The following CAMKMT variants were observed in gnomAD, a reference collection of about 807,000 sequenced individuals.
CAMKMT encodes CaM KMT.
CAMKMT carries 53 observed loss-of-function variants against 48.0 expected under a neutral mutation model. The observed-to-expected ratio is 1.10, with a 90% CI of 0.89 to 1.39. The LOEUF is 1.39. Among genes scored for constraint, CAMKMT ranks in the 40% most tolerant of loss-of-function variants. The probability of loss-of-function intolerance (pLI) is 0.00; values close to 1 mark genes in which losing one functional copy is unlikely to be tolerated. For synonymous variants in CAMKMT, 165 were observed against 152.3 expected, an observed-to-expected ratio of 1.08 and a Z score of -0.61; for missense variants, 428 against 402.7, an observed-to-expected ratio of 1.06 and a Z score of -0.54.
intron 3 of CAMKMT, among the ~76,000 whole-genome samples, chr2:44,562,710 G>A (rs1030705636): frequency 2.0e-5 from 3 of 152,138 alleles, no homozygotes; most frequent in Non-Finnish European, 4.4e-5. Flanking sequence ...ACAGATGCCT[G>A]CCACCACACC....
At chr2:44,399,577 A>G (rs1218636037) in intron 3 of CAMKMT, among the ~76,000 whole-genome samples, 4 of 151,498 alleles carry the variant, frequency 2.6e-5, no homozygotes, top group East Asian at 1.9e-4. Context: ...ATCTCCTGCC[A>G]TCTCACATTG....
At chr2:44,524,300 C>A in intron 3 of CAMKMT, among the ~76,000 whole-genome samples, 1 of 152,218 alleles carries the variant, frequency 6.6e-6, no homozygotes, top group Non-Finnish European at 1.5e-5. Context: ...AGTCCATCTT[C>A]GTAGCCAGTA....
At chr2:44,592,346 A>G (rs549430786) in intron 3 of CAMKMT, among the ~76,000 whole-genome samples, 1 of 152,090 alleles carries the variant, frequency 6.6e-6, no homozygotes, top group Admixed American at 6.5e-5. Context: ...ATTTCATCTA[A>G]GTTGTCAAAC....
At chr2:44,448,896 A>G (rs1667144882) in intron 3 of CAMKMT, among the ~76,000 whole-genome samples, 1 of 152,190 alleles carries the variant, frequency 6.6e-6, no homozygotes, top group Non-Finnish European at 1.5e-5. Flanking sequence ...GTCACAAAAG[A>G]CTATTTTAAG....
intron 3 of CAMKMT, among the ~76,000 whole-genome samples, chr2:44,515,420 A>G (rs1333627533): frequency 6.6e-6 from 1 of 152,216 alleles, no homozygotes; most frequent in Non-Finnish European, 1.5e-5. Context: ...AGGGATATCT[A>G]TAATCTCTGT....
intron 3 of CAMKMT, among the ~76,000 whole-genome samples, chr2:44,416,622 G>A (rs974119936): frequency 5.8e-5 from 8 of 137,396 alleles, no homozygotes; most frequent in Middle Eastern, 4.2e-3. Context: ...CGCCTAGGCT[G>A]GAGTGCAATG....
Position 44,645,794 on chromosome 2 carries a change from C to T in CAMKMT, c.377-58489C>T, listed in dbSNP as rs187670786. Among the ~76,000 whole-genome samples the T allele has an allele frequency of 3.0e-3, 462 of 152,276 alleles. 1 individual carries two copies. The highest frequency in any genetic ancestry group is 0.01 in the African/African-American group (434 of 41,558). On this transcript the variant is annotated intron_variant, in intron 3 of 10. Transcript: ENST00000378494. Reference sequence around the variant, plus strand: ...TGAGATTATGCCACTGCGCTCCAGCCTGGGCAACAGAGCAAGACTCCATCT... The same window carrying T: ...TGAGATTATGCCACTGCGCTCCAGCTTGGGCAACAGAGCAAGACTCCATCT...
intron 2 of CAMKMT, among the ~76,000 whole-genome samples, chr2:44,375,023 C>T (rs1356942297): frequency 6.6e-6 from 1 of 152,020 alleles, no homozygotes; most frequent in Non-Finnish European, 1.5e-5. Flanking sequence ...CCCAGGCACT[C>T]AGGAGGCTGA....
intron 3 of CAMKMT, chr2:44,549,616 C>G: frequency 1.5e-6 from 1 of 681,406 alleles, no homozygotes; most frequent in African/African-American, 1.8e-5. Context: ...TCAGTGCAGC[C>G]TCAAACTCCT....
rs535468761 is a variant in CAMKMT, at chr2:44,367,095, C to T, written c.138+4950C>T. Among the ~76,000 whole-genome samples the T allele has an allele frequency of 2.6e-5, 4 of 152,294 alleles. No homozygotes were observed. The South Asian group carries it at 8.3e-4, about 32-fold the overall frequency. ...AAAGGATAAGGTTTTCTGGTTTTTA[C>T]TTGCATCCCTGAGCATAGATTCATA... On this transcript the variant is annotated intron_variant, in intron 1 of 10. Coordinates refer to ENST00000378494, the MANE Select transcript of CAMKMT (RefSeq NM_024766.5).
rs975749765 is a variant in CAMKMT, at chr2:44,490,010, TCA to T, written c.376+99718_376+99719del. ...TAGATTAATACACACACACGCACAC[TCA>T]CACACACACACAAATATATGGGCAA... On this transcript the variant is annotated intron_variant, in intron 3 of 10. Transcript: ENST00000378494. 2.6e-5 allele frequency among the ~76,000 whole-genome samples: 4 copies of T among 151,030 alleles called. No homozygotes were observed. The South Asian group carries it at 6.3e-4, about 24-fold the overall frequency.
At chr2:44,675,261 C>T (rs528367410) in intron 3 of CAMKMT, among the ~76,000 whole-genome samples, 3 of 152,164 alleles carry the variant, frequency 2.0e-5, no homozygotes, top group Admixed American at 6.5e-5. Context: ...AAACACTTCT[C>T]CTGGTTTCAG....
chr2:44,472,012 G>A (rs982529016), intron 3 of CAMKMT, among the ~76,000 whole-genome samples: 6 of 152,064 alleles, frequency 3.9e-5, no homozygotes, highest in Admixed American at 1.3e-4. Flanking sequence ...TACTTTAAGG[G>A]GTTGGTATGA....
intron 3 of CAMKMT, among the ~76,000 whole-genome samples, chr2:44,520,197 C>T (rs937686760): frequency 4.0e-5 from 6 of 151,814 alleles, no homozygotes; most frequent in Non-Finnish European, 8.8e-5. Context: ...CCAGCCTGGG[C>T]GACAGAGCGA....
chr2:44,611,826 T>A (rs1346471813), intron 3 of CAMKMT, among the ~76,000 whole-genome samples: 3 of 151,896 alleles, frequency 2.0e-5, no homozygotes, highest in Admixed American at 2.0e-4. Context: ...GCACATCACA[T>A]GGCAAAAGCA....
At chr2:44,566,386 G>A (rs1033386057) in intron 3 of CAMKMT, among the ~76,000 whole-genome samples, 1 of 152,126 alleles carries the variant, frequency 6.6e-6, no homozygotes, top group Admixed American at 6.5e-5. Flanking sequence ...GCTTATTGTT[G>A]TATTACAAAA....
At chr2:44,580,695 A>G (rs1669507054) in intron 3 of CAMKMT, among the ~76,000 whole-genome samples, 1 of 152,222 alleles carries the variant, frequency 6.6e-6, no homozygotes, top group African/African-American at 2.4e-5. Context: ...ATTGCCTAAC[A>G]TTAAACCTAT....
intron 3 of CAMKMT, among the ~76,000 whole-genome samples, chr2:44,668,986 T>C (rs949048585): frequency 2.6e-5 from 4 of 152,142 alleles, no homozygotes; most frequent in African/African-American, 9.7e-5. Context: ...TTTCACCATG[T>C]TGGCCAGGCT....
intron 3 of CAMKMT, among the ~76,000 whole-genome samples, chr2:44,434,176 A>G (rs1684812567): frequency 6.6e-6 from 1 of 152,062 alleles, no homozygotes; most frequent in Non-Finnish European, 1.5e-5. Flanking sequence ...TGTATGCTGA[A>G]TGAAAAGAAA....
Sources: allele counts gnomAD v4.1 joint callset (sites outside exome capture counted in the v4.1 genomes callset), GRCh38; gene constraint gnomAD v4.1.1; transcripts MANE v1.5; gene names NCBI Gene and HGNC (gene_info 2026-07-23, HGNC 2026-07-21).